The following MORC4 variants were observed in gnomAD, a reference collection of about 807,000 sequenced individuals.
MORC4 encodes MORC family CW-type zinc finger 4.
A neutral mutation model predicts 65.5 loss-of-function variants in MORC4; 22 were observed. That is an observed-to-expected ratio of 0.34 (90% CI 0.24 to 0.48). The LOEUF (loss-of-function observed/expected upper bound fraction) is 0.48. MORC4 is among the 20% of genes least tolerant of loss of function. The pLI, the probability that MORC4 is intolerant of heterozygous loss-of-function variation, is 0.99. For missense variants in MORC4, 624 were observed against 703.0 expected, an observed-to-expected ratio of 0.89 and a Z score of 1.27; for synonymous variants, 267 against 255.8, an observed-to-expected ratio of 1.04 and a Z score of -0.42.
chrX:106,948,292 G>A (rs1008091438), intron 14 of MORC4, among the ~76,000 whole-genome samples: 18 of 110,936 alleles, frequency 1.6e-4, no homozygotes, highest in African/African-American at 3.9e-4. Context: ...ACTATCTGGC[G>A]TCATTTCCTT....
chrX:106,951,384 C>CT (rs931886006), intron 14 of MORC4, among the ~76,000 whole-genome samples: 9 of 110,269 alleles, frequency 8.2e-5, no homozygotes, highest in East Asian at 5.7e-4. Flanking sequence ...TTAGATCTTT[C>CT]TTTTTTTTTG....
chrX:106,962,840 T>G (rs1367850129), intron 9 of MORC4, among the ~76,000 whole-genome samples: 2 of 112,187 alleles, frequency 1.8e-5, no homozygotes, highest in Non-Finnish European at 3.8e-5. Flanking sequence ...TAATTCCTAT[T>G]TAATTCCATA....
intron 13 of MORC4, 140 bp from the exon 14 acceptor site, chrX:106,955,228 G>A (rs1934079419): frequency 2.2e-6 from 1 of 464,896 alleles, no homozygotes; most frequent in African/African-American, 2.4e-5. Context: ...ACAGTGTGCA[G>A]TAATGTACAC....
At chrX:106,979,140 G>T (rs1490523611) in intron 7 of MORC4, among the ~76,000 whole-genome samples, 1 of 110,911 alleles carries the variant, frequency 9.0e-6, no homozygotes, top group African/African-American at 3.3e-5. Flanking sequence ...TTCAAAAAAT[G>T]ATCTCCATGC....
intron 10 of MORC4, among the ~76,000 whole-genome samples, chrX:106,961,505 T>C (rs1276796301): frequency 3.6e-5 from 4 of 112,190 alleles, no homozygotes; most frequent in African/African-American, 1.3e-4. Context: ...GTGAGGCCAG[T>C]TGGACTTCCT....
At chrX:106,944,442 G>A (rs1933774271) in intron 14 of MORC4, among the ~76,000 whole-genome samples, 1 of 111,779 alleles carries the variant, frequency 8.9e-6, no homozygotes, top group African/African-American at 3.2e-5. Context: ...ATACTAAATA[G>A]CAACAACCAA....
chrX:106,993,588 G>A (rs145801242), intron 2 of MORC4, among the ~76,000 whole-genome samples: 2,128 of 112,009 alleles, frequency 0.019, 52 homozygotes, highest in African/African-American at 0.065. Flanking sequence ...TCATACGAGC[G>A]ATATGCAATC....
chrX:106,952,025 A>T (rs1933985341), intron 14 of MORC4, among the ~76,000 whole-genome samples: 1 of 101,347 alleles, frequency 9.9e-6, no homozygotes, highest in Admixed American at 1.1e-4. Context: ...AAAAAAAAAA[A>T]GGAAAGAAAA....
intron 10 of MORC4, among the ~76,000 whole-genome samples, chrX:106,961,180 T>C (rs1391800042): frequency 1.8e-5 from 2 of 112,344 alleles, no homozygotes; most frequent in Middle Eastern, 4.6e-3. Flanking sequence ...ACACCTACTA[T>C]ATGCCAGTCA....
rs1934108001 is a variant in MORC4, at chrX:106,956,463, T to C, written c.1509+17A>G. On this transcript the variant is annotated intron_variant, in intron 13 of 16. Transcript: ENST00000355610. Reference sequence around the variant, plus strand: ...AAATGTTGTGTGAGAACAATAAGGGTGTGCACTGCCTCTCACCTGGTGGTT... The same window carrying C: ...AAATGTTGTGTGAGAACAATAAGGGCGTGCACTGCCTCTCACCTGGTGGTT... The C allele has an allele frequency of 1.7e-6, 2 of 1,175,714 alleles. No homozygotes were observed. The highest frequency in any genetic ancestry group is 3.0e-5 in the East Asian group (1 of 33,718).
chrX:106,967,835 G>A (rs749182259), intron 9 of MORC4, among the ~76,000 whole-genome samples: 2 of 112,213 alleles, frequency 1.8e-5, no homozygotes, highest in African/African-American at 3.2e-5. Context: ...CCAAATCCAC[G>A]TTTGACTGGT....
At chrX:106,957,843 G>A (rs891442224) in intron 11 of MORC4, among the ~76,000 whole-genome samples, 1 of 111,638 alleles carries the variant, frequency 9.0e-6, no homozygotes, top group African/African-American at 3.3e-5. Context: ...CCTTTGTCTC[G>A]AAGAGTTTAC....
Position 106,942,601 on chromosome X carries a change from T to C in MORC4, c.2290A>G (p.Lys764Glu), listed in dbSNP as rs1410214330. 6 of 1,209,682 alleles carry C rather than the reference T, an allele frequency of 5.0e-6. No individual in the cohort carries two copies. Among genetic ancestry groups the C allele is most frequent in the Non-Finnish European group, 6.7e-6 (6 of 895,072 alleles). The change falls in exon 15 of 17, where the codon AAG becomes GAG. Residue 764 changes from lysine to glutamate, a missense_variant. Lys to Glu is a moderately conservative substitution (Grantham distance 56). Transcript: ENST00000355610. ...ESEGHNTPKL[K>E]NQRELEELKR... ...AATTCTTCCAGCTCTCTCTGGTTCT[T>C]CAACTTTGGTGTATTATGACCTTCG...
At chrX:106,958,827 C>T (rs1654894476) in intron 10 of MORC4, among the ~76,000 whole-genome samples, 1 of 111,444 alleles carries the variant, frequency 9.0e-6, no homozygotes, top group Non-Finnish European at 1.9e-5. Context: ...GTAATTTTAA[C>T]TCTAAAATTT....
chrX:106,991,881 G>A (rs1934991943), intron 3 of MORC4, among the ~76,000 whole-genome samples: 1 of 111,472 alleles, frequency 9.0e-6, no homozygotes, highest in Non-Finnish European at 1.9e-5. Context: ...CTCCAGCCTG[G>A]GTGATGGAGT....
intron 10 of MORC4, among the ~76,000 whole-genome samples, chrX:106,960,878 A>T (rs1248848107): frequency 8.9e-6 from 1 of 112,220 alleles, no homozygotes; most frequent in Non-Finnish European, 1.9e-5. Flanking sequence ...ATAAAATTTT[A>T]TATCATACAT....
chrX:106,999,910 C>A lies in MORC4; in HGVS notation c.60G>T (p.Arg20=). 1.2e-6 allele frequency: 1 copy of A among 828,746 alleles called. No individual in the cohort carries two copies. The highest frequency in any genetic ancestry group is 1.5e-6 in the Non-Finnish European group (1 of 687,714). The allele number at this position is 828,746 out of a possible 1,213,427, so 68.3% of individuals were successfully genotyped here. Residue 20 remains arginine (R), a synonymous_variant, in exon 1 of 17, where the codon CGG becomes CGT. Coordinates refer to ENST00000355610, the MANE Select transcript of MORC4 (RefSeq NM_024657.5). ...GPGAPGCGLA[R]PGGGPQAFGI... ...CGAAGGCCTGCGGGCCGCCGCCGGGCCGGGCCAGCCCGCAGCCCGGCGCGC... is the reference window on the plus strand; with the variant it reads ...CGAAGGCCTGCGGGCCGCCGCCGGGACGGGCCAGCCCGCAGCCCGGCGCGC...
rs1199822347 is a variant in MORC4 at position 106,942,006 on chromosome X, C to G, written c.2592G>C (p.Glu864Asp). The G allele has an allele frequency of 1.7e-6, 2 of 1,209,291 alleles. No individual in the cohort carries two copies. The highest frequency in any genetic ancestry group is 2.2e-6 in the Non-Finnish European group (2 of 894,953). The change falls in exon 16 of 17, where the codon GAG becomes GAC. Residue 864 changes from glutamate to aspartate, a missense_variant. Transcript: ENST00000355610. ...CCTTCTGCAGCATTTCCAGGTGTGT[C>G]TCTGTTTCCTTCAGTTTCTCTTTTA... is the stretch of plus-strand genomic sequence containing the variant. ...QELKEKLKET[E>D]THLEMLQKAQ...
intron 3 of MORC4, among the ~76,000 whole-genome samples, chrX:106,992,704 G>A (rs1365527969): frequency 1.8e-5 from 2 of 111,801 alleles, no homozygotes; most frequent in African/African-American, 6.5e-5. Context: ...AGGTACCTTC[G>A]TGGTTCTAAT....
Sources: allele counts gnomAD v4.1 joint callset (sites outside exome capture counted in the v4.1 genomes callset), GRCh38; gene constraint gnomAD v4.1.1; transcripts MANE v1.5; gene names NCBI Gene and HGNC (gene_info 2026-07-23, HGNC 2026-07-21).